SP140L: variants seen among roughly 807,000 people sequenced by gnomAD.
SP140L encodes the protein SP140 like nuclear body protein, also known as nuclear body protein SP140-like protein.
Under a neutral mutation model 84.3 loss-of-function variants are expected in SP140L, and 64 were observed. The observed-to-expected ratio is 0.76, with a 90% CI of 0.62 to 0.94. The LOEUF is 0.94. Ranked by LOEUF, SP140L falls within the 40% of genes least tolerant of loss-of-function variation. The pLI is 0.00. For synonymous variants in SP140L, 242 were observed against 236.9 expected, an observed-to-expected ratio of 1.02 and a Z score of -0.20; for missense variants, 628 against 692.5, an observed-to-expected ratio of 0.91 and a Z score of 1.05.
chr2:230,355,394 C>A (rs1300027434), intron 2 of SP140L, among the ~76,000 whole-genome samples: 1 of 152,118 alleles, frequency 6.6e-6, no homozygotes, highest in Non-Finnish European at 1.5e-5. Flanking sequence ...GAAAGATGTG[C>A]TTGATTTTTA....
At chr2:230,340,250 CTTCT>C (rs1318423701) in intron 2 of SP140L, among the ~76,000 whole-genome samples, 3 of 150,402 alleles carry the variant, frequency 2.0e-5, no homozygotes, top group African/African-American at 7.3e-5. Flanking sequence ...ATGTAATGGC[CTTCT>C]TTGTCTCTTT....
In SP140L at chr2:230,343,248, G is replaced by A. The variant is rs546559762; in HGVS notation, c.107+14417G>A. Among the ~76,000 whole-genome samples, 22 of 147,438 alleles carry A rather than the reference G, an allele frequency of 1.5e-4. 1 individual carries two copies. The highest frequency in any genetic ancestry group is 1.8e-4 in the Non-Finnish European group (12 of 66,648). The stretch of plus-strand genomic sequence containing the variant: ...ATGCTGTCCCTCTCCCTACACCCCC[G>A]ACAGGTGCCCAGAGTGTGTTGTTCC... On this transcript the variant is annotated intron_variant, in intron 2 of 18. Coordinates refer to ENST00000415673, the MANE Select transcript of SP140L (RefSeq NM_138402.6).
intron 2 of SP140L, among the ~76,000 whole-genome samples, chr2:230,349,535 A>G (rs906714830): frequency 1.3e-5 from 2 of 152,164 alleles, no homozygotes; most frequent in African/African-American, 4.8e-5. Flanking sequence ...TAATTTCTCT[A>G]GTAATGTTTT....
intron 3 of SP140L, 72 bp from the exon 4 acceptor site, chr2:230,358,892 A>G: frequency 1.6e-6 from 2 of 1,287,468 alleles, no homozygotes; most frequent in Non-Finnish European, 2.1e-6. Flanking sequence ...AGTAACCATA[A>G]AATTTGTTTT....
intron 7 of SP140L, among the ~76,000 whole-genome samples, chr2:230,381,544 T>A (rs1344168747): frequency 6.6e-6 from 1 of 152,176 alleles, no homozygotes; most frequent in Non-Finnish European, 1.5e-5. Context: ...ATATATTTGA[T>A]TTGTTAAATG....
Position 230,386,953 on chromosome 2 carries a change from G to A in SP140L, c.785-1606G>A, listed in dbSNP as rs148985689. Among the ~76,000 whole-genome samples, 555 of 152,276 alleles carry A rather than the reference G, an allele frequency of 3.6e-3. 2 individuals carry two copies. The highest frequency in any genetic ancestry group is 6.8e-3 in the Middle Eastern group (2 of 294). ...ACATCTGGATCTATTCTCACTGTAC[G>A]GTGAGTGCGGACCCTCAGGAGAGGA... On this transcript the variant is annotated intron_variant, in intron 9 of 18. Transcript: ENST00000415673.
chr2:230,385,413 T>G lies in SP140L; in HGVS notation c.784+109T>G. The G allele has an allele frequency of 3.0e-6, 3 of 1,006,790 alleles. 1 individual carries two copies. The South Asian group carries it at 4.9e-5, about 16-fold the overall frequency. 62.4% of individuals were successfully genotyped at this position (1,006,790 alleles called of 1,614,324 possible). ...GTTTACTAGTCAAACTTAGTCAATT[T>G]CAGAGCAGTGAAATCTAAAAAACAG... On this transcript the variant is annotated intron_variant, in intron 9 of 18. Transcript: ENST00000415673.
At chr2:230,396,638 A>G in intron 13 of SP140L, 119 bp from the exon 14 acceptor site, 9 of 1,244,940 alleles carry the variant, frequency 7.2e-6, no homozygotes, top group Non-Finnish European at 1.0e-5. Flanking sequence ...TCTCCTCCCA[A>G]TTATTTTTTT....
chr2:230,372,498 G>A (rs1192028143), intron 7 of SP140L: 1 of 152,100 alleles, frequency 6.6e-6, no homozygotes, highest in East Asian at 1.9e-4. Context: ...GGCCGAGACG[G>A]GCGGATCACG....
chr2:230,374,847 G>A (rs1289305091), intron 7 of SP140L, among the ~76,000 whole-genome samples: 2 of 152,166 alleles, frequency 1.3e-5, no homozygotes, highest in Non-Finnish European at 2.9e-5. Context: ...ATAGACTACA[G>A]TATAGTATAA....
intron 2 of SP140L, among the ~76,000 whole-genome samples, chr2:230,349,367 A>C (rs922735731): frequency 1.3e-5 from 2 of 152,156 alleles, no homozygotes; most frequent in Admixed American, 1.3e-4. Flanking sequence ...AATTCCATAT[A>C]AATTTTAGGA....
At chr2:230,389,796 C>A in intron 10 of SP140L, 123 bp from the exon 11 acceptor site, 1 of 949,598 alleles carries the variant, frequency 1.1e-6, no homozygotes, top group Non-Finnish European at 1.6e-6. Context: ...GACTTTGAAA[C>A]TCTAGAGATT....
intron 2 of SP140L, among the ~76,000 whole-genome samples, chr2:230,346,806 T>C (rs879757896): frequency 2.0e-5 from 3 of 152,238 alleles, no homozygotes; most frequent in Non-Finnish European, 4.4e-5. Flanking sequence ...GAGTTGTCCA[T>C]CTGTGTTCTC....
intron 14 of SP140L, among the ~76,000 whole-genome samples, chr2:230,397,661 A>G (rs1183818901): frequency 6.6e-6 from 1 of 152,158 alleles, no homozygotes; most frequent in African/African-American, 2.4e-5. Context: ...AGGGGGCAGG[A>G]CTCACATAGA....
At chr2:230,331,877 T>G (rs1284760963) in intron 2 of SP140L, among the ~76,000 whole-genome samples, 2 of 152,218 alleles carry the variant, frequency 1.3e-5, no homozygotes, top group African/African-American at 4.8e-5. Context: ...GAGAAATAAT[T>G]ACATCTTCAA....
chr2:230,399,466 A>G (rs2062208785), intron 14 of SP140L, among the ~76,000 whole-genome samples: 3 of 152,282 alleles, frequency 2.0e-5, no homozygotes, highest in South Asian at 4.2e-4. Context: ...ATTAGAGATG[A>G]CACCTTTGCA....
chr2:230,337,815 C>T lies in SP140L; in HGVS notation c.107+8984C>T, dbSNP rs1018301850. Among the ~76,000 whole-genome samples, 422 of 152,038 alleles carry T rather than the reference C, an allele frequency of 2.8e-3. 1 individual carries two copies. The highest frequency in any genetic ancestry group is 9.2e-3 in the African/African-American group (383 of 41,468). On this transcript the variant is annotated intron_variant, in intron 2 of 18. Transcript: ENST00000415673. ...AGATCAGATAGTTGTAGATACGCAGCGTTATTTCTGAGGGCTCTGTTCTGT... is the reference window on the plus strand; with the variant it reads ...AGATCAGATAGTTGTAGATACGCAGTGTTATTTCTGAGGGCTCTGTTCTGT...
At chr2:230,354,880 A>AGAAAGAAAGAAAGAAAGAAAGAAAGAAAG in intron 2 of SP140L, among the ~76,000 whole-genome samples, 1 of 140,604 alleles carries the variant, frequency 7.1e-6, no homozygotes, top group Admixed American at 7.9e-5. Context: ...AAAGAAAGAA[A>AGAAAGAAAGAAAGAAAGAAAGAAAGAAAG]GAAAGAAAGA....
chr2:230,357,241 T>G (rs1417806665), intron 2 of SP140L, among the ~76,000 whole-genome samples: 5 of 152,228 alleles, frequency 3.3e-5, no homozygotes, highest in African/African-American at 1.2e-4. Context: ...ATCACTGATA[T>G]TCTCATGAAA....
Sources: gnomAD v4.1 joint callset for allele counts (sites outside exome capture counted in the v4.1 genomes callset) on GRCh38, gnomAD v4.1.1 for gene constraint, MANE v1.5 for transcripts, NCBI Gene and HGNC (gene_info 2026-07-23, HGNC 2026-07-21) for gene names.